HERC1: variants seen among roughly 807,000 people sequenced by gnomAD.
HERC1 encodes probable E3 ubiquitin-protein ligase HERC1.
In HERC1, 160 loss-of-function variants were observed where a neutral mutation model predicts 554.3. That is an observed-to-expected ratio of 0.29 (90% CI 0.25 to 0.33). HERC1 has a LOEUF of 0.33. HERC1 is among the 10% of genes least tolerant of loss of function. The pLI is 1.00. For missense variants in HERC1, 4,919 were observed against 5,918.5 expected (o/e 0.83, Z 5.54); for synonymous variants, 2,175 against 2,131.7 (o/e 1.02, Z -0.56).
chr15:63,817,501 G>T (rs2077531823), intron 1 of HERC1, among the ~76,000 whole-genome samples: 1 of 152,158 alleles, frequency 6.6e-6, no homozygotes. Flanking sequence ...GATCACCTGA[G>T]GCAAGGAGTT....
intron 22 of HERC1, 32 bp from the exon 23 acceptor site, chr15:63,713,697 A>G (rs758200274): frequency 6.4e-7 from 1 of 1,554,818 alleles, no homozygotes; most frequent in East Asian, 2.3e-5. Flanking sequence ...CAAGGTCTTA[A>G]CACATGGGGA....
intron 54 of HERC1, among the ~76,000 whole-genome samples, chr15:63,648,836 A>G (rs1235497586): frequency 1.3e-5 from 2 of 152,202 alleles, no homozygotes; most frequent in Admixed American, 6.5e-5. Context: ...ATTCTTAAAC[A>G]AACAAAACAA....
At chr15:63,640,068 A>C (rs184530817) in intron 61 of HERC1, 84 bp downstream of exon 61, 4 of 1,328,108 alleles carry the variant, frequency 3.0e-6, no homozygotes, top group Non-Finnish European at 4.2e-6. Flanking sequence ...GCATACCAGC[A>C]AAGACTTATT....
chr15:63,670,990 T>C lies in HERC1; in HGVS notation c.8046-1292A>G, dbSNP rs544829059. Among the ~76,000 whole-genome samples, 16 of 151,950 alleles carry C rather than the reference T, an allele frequency of 1.1e-4. No individual in the cohort carries two copies. The East Asian group carries it at 1.2e-3, about 11-fold the overall frequency. On this transcript the variant is annotated intron_variant, in intron 39 of 77. Coordinates refer to ENST00000443617, the MANE Select transcript of HERC1 (RefSeq NM_003922.4). Reference sequence around the variant, plus strand: ...GCTAAGGTGGGCAGATCCCCTGAGGTTGGGAGTTCGAGACCAGCCTGACCA... The same window carrying C: ...GCTAAGGTGGGCAGATCCCCTGAGGCTGGGAGTTCGAGACCAGCCTGACCA...
intron 1 of HERC1, among the ~76,000 whole-genome samples, chr15:63,833,212 C>T (rs960210765): frequency 8.5e-5 from 13 of 152,182 alleles, no homozygotes; most frequent in African/African-American, 3.1e-4. Context: ...CTCCCGGTTG[C>T]AAAGGCTTTA....
intron 33 of HERC1, among the ~76,000 whole-genome samples, chr15:63,688,979 T>C (rs1222639452): frequency 6.6e-6 from 1 of 152,124 alleles, no homozygotes; most frequent in Non-Finnish European, 1.5e-5. Flanking sequence ...TCAAAGCATG[T>C]TGGTCCCCTG....
chr15:63,672,370 A>G (rs1241398848), intron 39 of HERC1, 126 bp downstream of exon 39: 1 of 650,252 alleles, frequency 1.5e-6, no homozygotes, highest in African/African-American at 1.8e-5. Context: ...TGACTATATA[A>G]TCTCTTAGTT....
chr15:63,748,806 T>C (rs780968166), intron 10 of HERC1, among the ~76,000 whole-genome samples: 28 of 152,150 alleles, frequency 1.8e-4, no homozygotes, highest in Non-Finnish European at 4.0e-4. Flanking sequence ...TGAAAATATC[T>C]GAAATAACCC....
Position 63,734,038 on chromosome 15 carries a change from G to A in HERC1, c.2646+686C>T, listed in dbSNP as rs1369917787. Reference sequence around the variant, plus strand: ...AAAAATTAGCCGGGTGTGGTGGCACGTGCCAGCAGTCTTAGCTACTCCAGA... The same window carrying A: ...AAAAATTAGCCGGGTGTGGTGGCACATGCCAGCAGTCTTAGCTACTCCAGA... On this transcript the variant is annotated intron_variant, in intron 13 of 77. Coordinates refer to ENST00000443617, the MANE Select transcript of HERC1 (RefSeq NM_003922.4). The surrounding 1 kb of genome is among the most constrained non-coding windows in gnomAD (Gnocchi z 4.6). Among the ~76,000 whole-genome samples the A allele has an allele frequency of 1.3e-5, 2 of 151,924 alleles. No homozygotes were observed. The highest frequency in any genetic ancestry group is 2.9e-5 in the Non-Finnish European group (2 of 67,966).
intron 17 of HERC1, among the ~76,000 whole-genome samples, chr15:63,726,696 G>C (rs1013750254): frequency 5.9e-5 from 9 of 152,150 alleles, no homozygotes; most frequent in Non-Finnish European, 1.2e-4. Context: ...GCCAGAGTCT[G>C]TCTACAAACA....
intron 34 of HERC1, 25 bp downstream of exon 34, chr15:63,686,334 A>T: frequency 6.5e-7 from 1 of 1,541,002 alleles, no homozygotes. Context: ...ACAAAATGCT[A>T]AAAACTATTA....
intron 1 of HERC1, among the ~76,000 whole-genome samples, chr15:63,829,559 GTGTATATATATATATATA>G (rs1413121348): frequency 3.2e-5 from 3 of 94,676 alleles, no homozygotes; most frequent in African/African-American, 8.0e-5. Context: ...GTGTGTGTGT[GTGTATATATATATATATA>G]TATATATATA....
chr15:63,643,523 T>G lies in HERC1; in HGVS notation c.11212A>C (p.Lys3738Gln). 6.2e-7 allele frequency: 1 copy of G among 1,604,312 alleles called. No homozygotes were observed. Among genetic ancestry groups the G allele is most frequent in the Non-Finnish European group, 8.5e-7 (1 of 1,174,866 alleles). The stretch of plus-strand genomic sequence containing the variant: ...TGTCCCCGCAGCTGATAAACACACT[T>G]GGCTCCTGATGATTTCCTATATCCA... ...QDGYRKSSGA[K>Q]CVYQLRGHIT... The change falls in exon 58 of 78, where the codon AAG becomes CAG. Residue 3738 changes from lysine (K) to glutamine (Q), a missense_variant. Lys to Gln is a moderately conservative substitution (Grantham distance 53, BLOSUM62 1). Transcript: ENST00000443617.
intron 1 of HERC1, among the ~76,000 whole-genome samples, chr15:63,818,410 G>C (rs2077570833): frequency 6.6e-6 from 1 of 152,124 alleles, no homozygotes; most frequent in African/African-American, 2.4e-5. Flanking sequence ...ACCGACAGAT[G>C]GCAGACGAAA....
intron 25 of HERC1, among the ~76,000 whole-genome samples, chr15:63,701,759 C>A (rs1189574153): frequency 7.3e-5 from 11 of 150,628 alleles, no homozygotes; most frequent in Non-Finnish European, 1.2e-4. Context: ...AGTTTGACAT[C>A]AAAAAGACTT....
intron 46 of HERC1, among the ~76,000 whole-genome samples, chr15:63,660,602 G>C (rs561049495): frequency 6.6e-6 from 1 of 152,068 alleles, no homozygotes; most frequent in African/African-American, 2.4e-5. Context: ...AATCATTAGG[G>C]AATGAGTTAT....
intron 14 of HERC1, among the ~76,000 whole-genome samples, chr15:63,729,980 C>T (rs1003873006): frequency 2.1e-5 from 3 of 140,604 alleles, no homozygotes; most frequent in African/African-American, 8.0e-5. Flanking sequence ...GAGCCAAGAT[C>T]ACGCCATTGC....
At chr15:63,636,522 C>T (rs534336761) in intron 64 of HERC1, among the ~76,000 whole-genome samples, 1 of 152,204 alleles carries the variant, frequency 6.6e-6, no homozygotes, top group African/African-American at 2.4e-5. Context: ...CCGCCCACCT[C>T]GGCCTCCCAA....
At chr15:63,814,193 A>C (rs138188749) in intron 1 of HERC1, among the ~76,000 whole-genome samples, 7 of 152,330 alleles carry the variant, frequency 4.6e-5, no homozygotes, top group African/African-American at 1.7e-4. Context: ...TATACATCAT[A>C]ATTTAACAAT....
Sources: gnomAD v4.1 joint callset for allele counts (sites outside exome capture counted in the v4.1 genomes callset) on GRCh38, gnomAD v4.1.1 for gene constraint, Gnocchi (gnomAD v3.1) non-coding constraint, MANE v1.5 for transcripts, NCBI Gene and HGNC (gene_info 2026-07-23, HGNC 2026-07-21) for gene names.